ITPR2: variants seen among roughly 807,000 people sequenced by gnomAD.
ITPR2 encodes inositol 1,4,5-trisphosphate-gated calcium channel ITPR2.
ITPR2 carries 207 observed loss-of-function variants against 317.1 expected under a neutral mutation model. That is an observed-to-expected ratio of 0.65 (90% CI 0.58 to 0.73). The LOEUF (loss-of-function observed/expected upper bound fraction) is 0.73, where lower values mean the gene tolerates loss of function less well. Among genes scored for constraint, ITPR2 ranks in the 30% least tolerant of loss-of-function variants. The pLI is 0.00. For missense variants in ITPR2, 2,613 were observed against 3,284.0 expected (o/e 0.80, Z 4.99); for synonymous variants, 1,156 against 1,149.1 (o/e 1.01, Z -0.12).
chr12:26,801,228 G>A (rs1950551115), intron 1 of ITPR2: 1 of 156,082 alleles, frequency 6.4e-6, no homozygotes, highest in Non-Finnish European at 1.4e-5. Flanking sequence ...GATGGCCACT[G>A]AAGGGATATT....
At chr12:26,455,344 TAAAAAAAA>T (rs10687003) in intron 45 of ITPR2, among the ~76,000 whole-genome samples, 2 of 66,358 alleles carry the variant, frequency 3.0e-5, no homozygotes, top group East Asian at 4.7e-4. Flanking sequence ...CAACAGCTGC[TAAAAAAAA>T]AAAAAAAAAA....
intron 2 of ITPR2, among the ~76,000 whole-genome samples, chr12:26,784,559 G>T (rs1295702168): frequency 6.6e-6 from 1 of 151,688 alleles, no homozygotes; most frequent in East Asian, 2.0e-4. Flanking sequence ...GGCCGGGCTG[G>T]TCTCCAGCTC....
At position 26,439,307 on chromosome 12, in the gene ITPR2, C is replaced by T. The variant is rs757019506; in HGVS notation, c.6463G>A (p.Asp2155Asn). 6.3e-7 allele frequency: 1 copy of T among 1,596,838 alleles called. No homozygotes were observed. Among genetic ancestry groups the T allele is most frequent in the Non-Finnish European group, 8.5e-7 (1 of 1,172,644 alleles). The stretch of plus-strand genomic sequence containing the variant: ...AAAACTATTTGTTCCATGGTCCTAT[C>T]ATGCCGGACAATCTGAAAACATTAA... ...HTAQIEIVRH[D>N]RTMEQIVFPV... Residue 2155 changes from aspartate (D) to asparagine (N), a missense_variant, in exon 47 of 57, where the codon GAT (aspartate) becomes AAT (asparagine). Around this residue, in one of 9 missense-constraint regions of ITPR2, gnomAD observed 926 missense variants for 1,072.8 expected, o/e 0.86. Transcript: ENST00000381340.
At chr12:26,534,627 A>G (rs1944035565) in intron 37 of ITPR2, among the ~76,000 whole-genome samples, 2 of 152,228 alleles carry the variant, frequency 1.3e-5, no homozygotes, top group Middle Eastern at 3.2e-3. Context: ...AAACCAGAGA[A>G]TGGAGCTTCT....
At chr12:26,604,476 T>A (rs566177988) in intron 26 of ITPR2, among the ~76,000 whole-genome samples, 2 of 152,316 alleles carry the variant, frequency 1.3e-5, no homozygotes, top group South Asian at 4.1e-4. Flanking sequence ...TTCCATCTCT[T>A]CTTCCTCTTC....
chr12:26,581,145 G>T (rs1945394310), intron 32 of ITPR2, among the ~76,000 whole-genome samples: 1 of 152,028 alleles, frequency 6.6e-6, no homozygotes, highest in African/African-American at 2.4e-5. Flanking sequence ...TTTCAATAAG[G>T]TGCTTAACCA....
Position 26,427,972 on chromosome 12 carries a change from G to A in ITPR2, c.6886C>T (p.Leu2296Phe). The A allele has an allele frequency of 1.2e-6, 2 of 1,613,052 alleles. No individual in the cohort carries two copies. Among genetic ancestry groups the A allele is most frequent in the Middle Eastern group, 1.7e-4 (1 of 6,056 alleles). Residue 2296 changes from leucine to phenylalanine, a missense_variant, in exon 49 of 57, where the codon CTC (leucine) becomes TTC (phenylalanine). This residue lies in a region of ITPR2 where 78 missense variants were observed against 110.3 expected (regional missense o/e 0.71). Transcript: ENST00000381340. ...AGACCTATTGTATATATTGATCTGA[G>A]CATTATTGATACAAGAAACGGCCGA... ...GIRPFLVSIM[L>F]RSIYTIGLGP...
intron 2 of ITPR2, among the ~76,000 whole-genome samples, chr12:26,776,875 C>A (rs1425077916): frequency 1.3e-5 from 2 of 152,192 alleles, no homozygotes; most frequent in Non-Finnish European, 2.9e-5. Flanking sequence ...GACTAAAGTC[C>A]TAGCAGGCCC....
intron 37 of ITPR2, among the ~76,000 whole-genome samples, chr12:26,496,165 A>T (rs997085298): frequency 6.6e-6 from 1 of 152,252 alleles, no homozygotes; most frequent in Non-Finnish European, 1.5e-5. Context: ...TTAAATTAAC[A>T]TAACTACAGA....
intron 10 of ITPR2, among the ~76,000 whole-genome samples, chr12:26,694,646 C>T (rs1362547975): frequency 6.6e-6 from 1 of 152,162 alleles, no homozygotes; most frequent in African/African-American, 2.4e-5. Context: ...ATGATTCACA[C>T]TTTGCTTTTT....
rs200388105 is a variant in ITPR2, at chr12:26,804,098, A to AT, written c.93-13872dup. On this transcript the variant is annotated intron_variant, in intron 1 of 56. Transcript: ENST00000381340. ...CTGTTGTTTCTGAGTCAACTAGTAA[A>AT]TAGAATCTTTCTGAGAACTACCAGA... Among the ~76,000 whole-genome samples, 55 of 152,296 alleles carry AT rather than the reference A, an allele frequency of 3.6e-4. No individual in the cohort carries two copies. The East Asian group carries it at 7.9e-3, about 22-fold the overall frequency.
chr12:26,745,016 A>G (rs1949295144), intron 2 of ITPR2, among the ~76,000 whole-genome samples: 1 of 152,230 alleles, frequency 6.6e-6, no homozygotes, highest in African/African-American at 2.4e-5. Flanking sequence ...TTTTTCAGAT[A>G]AAATGTTTTG....
chr12:26,737,317 G>A (rs1386296943), intron 2 of ITPR2, among the ~76,000 whole-genome samples: 1 of 151,150 alleles, frequency 6.6e-6, no homozygotes, highest in South Asian at 2.1e-4. Context: ...GGAGAACGGC[G>A]CTATCTCAGC....
chr12:26,425,040 C>T (rs1012175199), intron 49 of ITPR2, among the ~76,000 whole-genome samples: 3 of 151,954 alleles, frequency 2.0e-5, no homozygotes, highest in East Asian at 1.9e-4. Context: ...GGATTACAGG[C>T]ATCAGTCACT....
intron 51 of ITPR2, among the ~76,000 whole-genome samples, chr12:26,414,033 G>A (rs1320824722): frequency 7.6e-5 from 9 of 118,080 alleles, no homozygotes; most frequent in African/African-American, 3.2e-4. Context: ...GAAGCAGATA[G>A]TCTACATGTA....
chr12:26,511,637 C>T (rs773868678), intron 37 of ITPR2, among the ~76,000 whole-genome samples: 17 of 152,028 alleles, frequency 1.1e-4, no homozygotes, highest in Non-Finnish European at 2.1e-4. Context: ...CATATTCTTG[C>T]TTTTCAAAAT....
intron 21 of ITPR2, among the ~76,000 whole-genome samples, chr12:26,636,894 GA>G (rs1256877027): frequency 4.6e-5 from 7 of 152,118 alleles, no homozygotes; most frequent in African/African-American, 1.7e-4. Flanking sequence ...ATCTCAGCAT[GA>G]ATCATGTTTT....
At chr12:26,467,475 T>A (rs1416094896) in intron 45 of ITPR2, among the ~76,000 whole-genome samples, 1 of 152,192 alleles carries the variant, frequency 6.6e-6, no homozygotes, top group Non-Finnish European at 1.5e-5. Flanking sequence ...GGAAGTGCTA[T>A]GCATTTTCCT....
At chr12:26,622,869 C>T (rs1020639484) in intron 24 of ITPR2, among the ~76,000 whole-genome samples, 3 of 152,084 alleles carry the variant, frequency 2.0e-5, no homozygotes, top group Non-Finnish European at 2.9e-5. Flanking sequence ...ACAGGTGTGG[C>T]GTATGAGGAC....
Sources: gnomAD v4.1 joint callset for allele counts (sites outside exome capture counted in the v4.1 genomes callset) on GRCh38, gnomAD v4.1.1 for gene constraint, gnomAD v4.1.1 regional missense constraint, MANE v1.5 for transcripts, NCBI Gene and HGNC (gene_info 2026-07-23, HGNC 2026-07-21) for gene names.